Variants in LOC128462377 observed in about 807,000 individuals in gnomAD.
the LOC128462377 span, among the ~76,000 whole-genome samples, chr16:89,372,115 G>A: frequency 0.029 from 4,462 of 152,264 alleles, 149 homozygotes; most frequent in African/African-American, 0.075. Context: ...CCCGGCCCTC[G>A]CATGCACACA....
At chr16:89,364,387 C>T in the LOC128462377 span, among the ~76,000 whole-genome samples, 12 of 152,168 alleles carry the variant, frequency 7.9e-5, no homozygotes, top group African/African-American at 2.9e-4. Flanking sequence ...TGTCTTACAC[C>T]GCAATAGGTA....
the LOC128462377 span, among the ~76,000 whole-genome samples, chr16:89,371,559 A>G: frequency 6.6e-6 from 1 of 152,174 alleles, no homozygotes; most frequent in Non-Finnish European, 1.5e-5. Context: ...AGATTCCGCC[A>G]TGCTGCAGGA....
the LOC128462377 span, among the ~76,000 whole-genome samples, chr16:89,414,063 A>C: frequency 1.6e-4 from 25 of 152,254 alleles, no homozygotes; most frequent in East Asian, 4.8e-3. Flanking sequence ...CACACCCTCC[A>C]GGATGCCACA....
At chr16:89,369,787 C>T in the LOC128462377 span, among the ~76,000 whole-genome samples, 4 of 152,174 alleles carry the variant, frequency 2.6e-5, no homozygotes, top group African/African-American at 9.7e-5. Context: ...TCATCAATGC[C>T]GATATACACC....
the LOC128462377 span, among the ~76,000 whole-genome samples, chr16:89,343,498 T>A: frequency 6.6e-6 from 1 of 152,092 alleles, no homozygotes; most frequent in Admixed American, 6.5e-5. Context: ...TATGTGTGAG[T>A]GAGTGAGCGA....
chr16:89,379,205 G>A, the LOC128462377 span, among the ~76,000 whole-genome samples: 1 of 152,240 alleles, frequency 6.6e-6, no homozygotes, highest in Non-Finnish European at 1.5e-5. Flanking sequence ...CGGCGGGCTA[G>A]AAGGGGTGCA....
chr16:89,344,853 A>C, the LOC128462377 span, among the ~76,000 whole-genome samples: 23 of 152,310 alleles, frequency 1.5e-4, no homozygotes, highest in Admixed American at 3.9e-4. Context: ...CCACCTTCCA[A>C]GTTTTCTCTT....
At chr16:89,398,189 G>A in the LOC128462377 span, among the ~76,000 whole-genome samples, 2 of 149,866 alleles carry the variant, frequency 1.3e-5, no homozygotes, top group East Asian at 2.0e-4. Context: ...TGACATGAGG[G>A]ACACTGTGAA....
At chr16:89,397,650 G>A in the LOC128462377 span, among the ~76,000 whole-genome samples, 1 of 152,238 alleles carries the variant, frequency 6.6e-6, no homozygotes, top group Admixed American at 6.5e-5. Context: ...ACTCAGGAAG[G>A]GTAAGACACA....
At chr16:89,328,827 G>C in the LOC128462377 span, 1 of 144,650 alleles carries the variant, frequency 6.9e-6, no homozygotes, top group African/African-American at 2.6e-5. Flanking sequence ...CCTGCTGAGT[G>C]AGTGGACATA....
At chr16:89,396,639 T>C in the LOC128462377 span, among the ~76,000 whole-genome samples, 2 of 152,088 alleles carry the variant, frequency 1.3e-5, no homozygotes, top group African/African-American at 4.8e-5. Context: ...CACACATTAA[T>C]GGGGTTTGTA....
chr16:89,350,961 G>A, the LOC128462377 span, among the ~76,000 whole-genome samples: 89 of 152,334 alleles, frequency 5.8e-4, no homozygotes, highest in African/African-American at 2.1e-3. Flanking sequence ...GCTTAGGTGT[G>A]TGGGAGGCTC....
At chr16:89,379,980 T>C in the LOC128462377 span, among the ~76,000 whole-genome samples, 1 of 152,202 alleles carries the variant, frequency 6.6e-6, no homozygotes, top group Non-Finnish European at 1.5e-5. Context: ...CCAAACACTA[T>C]TTTCTGCATC....
chr16:89,380,623 A>G, the LOC128462377 span, among the ~76,000 whole-genome samples: 12 of 152,208 alleles, frequency 7.9e-5, no homozygotes, highest in African/African-American at 2.7e-4. Context: ...GTCTTTGTTA[A>G]AAGACAATAA....
the LOC128462377 span, among the ~76,000 whole-genome samples, chr16:89,416,871 C>T: frequency 6.6e-6 from 1 of 152,138 alleles, no homozygotes; most frequent in Non-Finnish European, 1.5e-5. Flanking sequence ...AGCTCAGACC[C>T]TGGGGTGTGG....
chr16:89,333,869 AT>A, the LOC128462377 span, among the ~76,000 whole-genome samples: 1 of 152,172 alleles, frequency 6.6e-6, no homozygotes, highest in Non-Finnish European at 1.5e-5. Flanking sequence ...TTCTGTGAGT[AT>A]GTTCCCAGTA....
At chr16:89,332,453 C>T in the LOC128462377 span, among the ~76,000 whole-genome samples, 2 of 152,156 alleles carry the variant, frequency 1.3e-5, no homozygotes, top group African/African-American at 2.4e-5. Flanking sequence ...AGCACCTGTA[C>T]CCGCAGCTCT....
chr16:89,391,536 C>T, the LOC128462377 span, among the ~76,000 whole-genome samples: 365 of 152,344 alleles, frequency 2.4e-3, 2 homozygotes, highest in African/African-American at 8.2e-3. Flanking sequence ...TCTGTGTTGA[C>T]TGTCGCTGTG....
the LOC128462377 span, among the ~76,000 whole-genome samples, chr16:89,325,469 T>TCTCTCACA: frequency 4.1e-5 from 6 of 147,742 alleles, no homozygotes; most frequent in East Asian, 7.9e-4. Context: ...TCTCTCTCTC[T>TCTCTCACA]CACACACACA....
Sources: allele counts gnomAD v4.1 joint callset (sites outside exome capture counted in the v4.1 genomes callset), GRCh38; gene constraint gnomAD v4.1.1; transcripts MANE v1.5.